PRXL2B: variants seen among roughly 807,000 people sequenced by gnomAD.
PRXL2B encodes the protein prostamide/prostaglandin F synthase.
Under a neutral mutation model 24.4 loss-of-function variants are expected in PRXL2B, and 26 were observed. The ratio of observed to expected loss-of-function variants is 1.07; its 90% CI spans 0.78 to 1.48. The LOEUF (loss-of-function observed/expected upper bound fraction) is 1.48, where lower values mean the gene tolerates loss of function less well. PRXL2B is among the 40% of genes most tolerant of loss of function. The pLI is 0.00. For synonymous variants in PRXL2B, 115 were observed against 118.9 expected, an observed-to-expected ratio of 0.97 and a Z score of 0.21; for missense variants, 269 against 264.8, an observed-to-expected ratio of 1.02 and a Z score of -0.11.
chr1:2,589,494 C>A lies in PRXL2B; in HGVS notation c.*67C>A. On this transcript the variant is annotated 3_prime_UTR_variant, in exon 7 of 7. Coordinates refer to ENST00000419916, the MANE Select transcript of PRXL2B (RefSeq NM_152371.5). ...TGCTGCCCTAGGTGTGCTGGAAGTC[C>A]ACTTGGAAGAACTGTTCCGGAGGCG... The A allele has an allele frequency of 6.2e-7, 1 of 1,611,492 alleles. No individual in the cohort carries two copies. Among genetic ancestry groups the A allele is most frequent in the Non-Finnish European group, 8.5e-7 (1 of 1,178,292 alleles).
At position 2,587,416 on chromosome 1, in the gene PRXL2B, G is replaced by A; in HGVS notation, c.268+121G>A. The A allele has an allele frequency of 8.5e-7, 1 of 1,178,866 alleles. No individual in the cohort carries two copies. The highest frequency in any genetic ancestry group is 1.2e-6 in the Non-Finnish European group (1 of 835,580). 73.0% of individuals were successfully genotyped at this position (1,178,866 alleles called of 1,614,324 possible). On this transcript the variant is annotated intron_variant, in intron 2 of 6. Transcript: ENST00000419916. The surrounding 1 kb of genome is among the most constrained non-coding windows in gnomAD (Gnocchi z 6.1). ...CTGGAGCGGCCTTGATATGCCCACG[G>A]GTCAGCGTCCCTCATCTCTCCCTGC...
chr1:2,590,594 C>T lies in PRXL2B; in HGVS notation c.*1167C>T, dbSNP rs1341062495. On this transcript the variant is annotated 3_prime_UTR_variant, in exon 7 of 7. Transcript: ENST00000419916. ...GCTGTTTTGCCCAAGACCACTGCTA[C>T]CTGTTTACCCACCCTGGTCCCTCCC... is the stretch of plus-strand genomic sequence containing the variant. 2 of 176,186 alleles carry T rather than the reference C, an allele frequency of 1.1e-5. No homozygotes were observed. The highest frequency in any genetic ancestry group is 2.4e-5 in the Non-Finnish European group (2 of 84,274). 10.9% of individuals were successfully genotyped at this position (176,186 alleles called of 1,614,324 possible).
At position 2,587,645 on chromosome 1, in the gene PRXL2B, A is replaced by C; in HGVS notation, c.269-96A>C. On this transcript the variant is annotated intron_variant, in intron 2 of 6. Transcript: ENST00000419916. This position sits in a 1 kb window ranked among gnomAD's most constrained non-coding sequence, Gnocchi z 6.1. The stretch of plus-strand genomic sequence containing the variant: ...CTGAGCACGGAGGGTGGGCAGAGGA[A>C]CAGAGGGTCGGAAGGAGGAGGGCGA... The C allele has an allele frequency of 7.1e-7, 1 of 1,409,072 alleles. No homozygotes were observed. Among genetic ancestry groups the C allele is most frequent in the Non-Finnish European group, 9.8e-7 (1 of 1,018,666 alleles). 87.3% of individuals were successfully genotyped at this position (1,409,072 alleles called of 1,614,324 possible). A position where few individuals can be genotyped will look rare whatever the true frequency, so the allele number is the denominator to read the frequency against.
rs881640 is a variant in PRXL2B at position 2,590,765 on chromosome 1, G to A, written c.*1338G>A. The A allele has an allele frequency of 5.0e-5, 20 of 403,988 alleles. 1 individual carries two copies. The East Asian group carries it at 6.8e-4, about 14-fold the overall frequency. The allele number at this position is 403,988 out of a possible 1,614,324, so 25.0% of individuals were successfully genotyped here. ...CTGTGACGGGGGCACTGAGCCCCGCGGGTGTCTGTGGAGGGGGCTCCGGTC... is the reference window on the plus strand; with the variant it reads ...CTGTGACGGGGGCACTGAGCCCCGCAGGTGTCTGTGGAGGGGGCTCCGGTC... On this transcript the variant is annotated 3_prime_UTR_variant, in exon 7 of 7. Transcript: ENST00000419916.
At chr1:2,588,479 GC>G in intron 4 of PRXL2B, 26 bp downstream of exon 4, 1 of 1,613,918 alleles carries the variant, frequency 6.2e-7, no homozygotes, top group South Asian at 1.1e-5. Context: ...GGGTGTACAG[GC>G]CGGGGGGTGG....
chr1:2,586,848 A>G lies in PRXL2B; in HGVS notation c.-38A>G. The G allele has an allele frequency of 7.8e-7, 1 of 1,282,766 alleles. No individual in the cohort carries two copies. Among genetic ancestry groups the G allele is most frequent in the South Asian group, 3.1e-5 (1 of 32,126 alleles). The allele number at this position is 1,282,766 out of a possible 1,614,324, so 79.5% of individuals were successfully genotyped here. ...GAGGAGCCGGGAGCGGGGAACAGGGAGTCGGGGAGCCGGGAACCAGGGCTG... is the reference window on the plus strand; with the variant it reads ...GAGGAGCCGGGAGCGGGGAACAGGGGGTCGGGGAGCCGGGAACCAGGGCTG... On this transcript the variant is annotated 5_prime_UTR_variant, in exon 1 of 7. Transcript: ENST00000419916.
chr1:2,588,246 C>A, intron 3 of PRXL2B, 144 bp from the exon 4 acceptor site: 1 of 973,834 alleles, frequency 1.0e-6, no homozygotes, highest in South Asian at 1.5e-5. Flanking sequence ...GGCTACTGAT[C>A]TGGTCGCCTG....
At chr1:2,588,837 C>T in intron 5 of PRXL2B, 85 bp from the exon 6 acceptor site, 1 of 1,392,350 alleles carries the variant, frequency 7.2e-7, no homozygotes. Context: ...CTGGCCAGGG[C>T]TGCCCTACCC....
rs1246699073 is a variant in PRXL2B, at chr1:2,588,537, C to T, written c.385-13C>T. ...CTTCTAGGATTGACTCAGGCTGTAC[C>T]CACTCCTGACAGGCCAAGGCTGTTG... is the stretch of plus-strand genomic sequence containing the variant. On this transcript the variant is annotated splice_polypyrimidine_tract_variant and intron_variant, in intron 4 of 6. Coordinates refer to ENST00000419916, the MANE Select transcript of PRXL2B (RefSeq NM_152371.5). 2 of 1,614,062 alleles carry T rather than the reference C, an allele frequency of 1.2e-6. No individual in the cohort carries two copies. Among genetic ancestry groups the T allele is most frequent in the Admixed American group, 1.7e-5 (1 of 60,026 alleles).
At position 2,586,805 on chromosome 1, in the gene PRXL2B, G is replaced by C; in HGVS notation, c.-81G>C. 1 of 1,264,050 alleles carries C rather than the reference G, an allele frequency of 7.9e-7. No individual in the cohort carries two copies. Among genetic ancestry groups the C allele is most frequent in the Non-Finnish European group, 9.9e-7 (1 of 1,006,606 alleles). The allele number at this position is 1,264,050 out of a possible 1,614,324, so 78.3% of individuals were successfully genotyped here. Reference sequence around the variant, plus strand: ...GCTTGGGGCTGGATCTATGAGCCGGGAGCGGGGATCCAGGAGCGAGGAGCC... The same window carrying C: ...GCTTGGGGCTGGATCTATGAGCCGGCAGCGGGGATCCAGGAGCGAGGAGCC... On this transcript the variant is annotated 5_prime_UTR_variant, in exon 1 of 7. Coordinates refer to ENST00000419916, the MANE Select transcript of PRXL2B (RefSeq NM_152371.5).
Position 2,587,807 on chromosome 1 carries a change from G to C in PRXL2B, c.320+15G>C. The C allele has an allele frequency of 1.3e-6, 1 of 782,774 alleles. No individual in the cohort carries two copies. The highest frequency in any genetic ancestry group is 2.0e-6 in the Non-Finnish European group (1 of 492,346). 48.5% of individuals were successfully genotyped at this position (782,774 alleles called of 1,614,324 possible). A position where few individuals can be genotyped will look rare whatever the true frequency, so the allele number is the denominator to read the frequency against. Reference sequence around the variant, plus strand: ...GGCTTCAAGCGGTGAGTGGGGGCGGGAACCCTTGGGTAGCGTGGGGTGGGG... The same window carrying C: ...GGCTTCAAGCGGTGAGTGGGGGCGGCAACCCTTGGGTAGCGTGGGGTGGGG... On this transcript the variant is annotated intron_variant, in intron 3 of 6. Coordinates refer to ENST00000419916, the MANE Select transcript of PRXL2B (RefSeq NM_152371.5). The surrounding 1 kb of genome is among the most constrained non-coding windows in gnomAD (Gnocchi z 6.1).
In PRXL2B at chr1:2,587,373, C is replaced by T. The variant is rs1644550242; in HGVS notation, c.268+78C>T. On this transcript the variant is annotated intron_variant, in intron 2 of 6. Coordinates refer to ENST00000419916, the MANE Select transcript of PRXL2B (RefSeq NM_152371.5). The surrounding 1 kb of genome is among the most constrained non-coding windows in gnomAD (Gnocchi z 6.1). Reference sequence around the variant, plus strand: ...GCGTTCGGGGCCCTTTCCTGCCCAACCCCGGCCCTTCTGTCTGCTGGAGCG... The same window carrying T: ...GCGTTCGGGGCCCTTTCCTGCCCAATCCCGGCCCTTCTGTCTGCTGGAGCG... 3 of 1,474,684 alleles carry T rather than the reference C, an allele frequency of 2.0e-6. No individual in the cohort carries two copies. The highest frequency in any genetic ancestry group is 2.1e-5 in the Admixed American group (1 of 47,226). 91.3% of individuals were successfully genotyped at this position (1,474,684 alleles called of 1,614,324 possible).
rs565565761 is a variant in PRXL2B, at chr1:2,588,972, G to T, written c.511G>T (p.Val171Phe). 5 of 1,613,330 alleles carry T rather than the reference G, an allele frequency of 3.1e-6. No individual in the cohort carries two copies. The highest frequency in any genetic ancestry group is 4.2e-6 in the Non-Finnish European group (5 of 1,179,986). The stretch of plus-strand genomic sequence containing the variant: ...CGTCCAGAAGTCCCCAGGCGACTAC[G>T]TCCCCAAGGAGCACATCCTGCAGGT... ...HFVQKSPGDYVPKEHILQVLG... is the reference protein window; with the variant it reads ...HFVQKSPGDYFPKEHILQVLG... Residue 171 changes from valine to phenylalanine, a missense_variant, in exon 6 of 7, where the codon GTC (valine) becomes TTC (phenylalanine). By Grantham distance (50) the Val-to-Phe change is conservative. Coordinates refer to ENST00000419916, the MANE Select transcript of PRXL2B (RefSeq NM_152371.5).
rs754038181 is a variant in PRXL2B at position 2,589,419 on chromosome 1, G to T, written c.589G>T (p.Glu197Ter). Reference protein sequence around the residue: ...CASDPPQCDREV With the variant: ...CASDPPQCDR ...CCTGCTGTCCCCACAGTGTGACAGA[G>T]AGGTGTGAGGGAGGCGAAGGCCCTG... Residue 197 changes from glutamate (E) to a stop codon, truncating the protein, a stop_gained, in exon 7 of 7, where the codon GAG becomes TAG. Coordinates refer to ENST00000419916, the MANE Select transcript of PRXL2B (RefSeq NM_152371.5). LOFTEE classifies it high-confidence loss of function. 2 of 1,613,756 alleles carry T rather than the reference G, an allele frequency of 1.2e-6. No homozygotes were observed. Among genetic ancestry groups the T allele is most frequent in the South Asian group, 2.2e-5 (2 of 91,080 alleles).
chr1:2,587,403 T>C lies in PRXL2B; in HGVS notation c.268+108T>C. 3 of 1,280,942 alleles carry C rather than the reference T, an allele frequency of 2.3e-6. No individual in the cohort carries two copies. The highest frequency in any genetic ancestry group is 3.2e-6 in the Non-Finnish European group (3 of 926,562). The allele number at this position is 1,280,942 out of a possible 1,614,324, so 79.3% of individuals were successfully genotyped here. On this transcript the variant is annotated intron_variant, in intron 2 of 6. Transcript: ENST00000419916. This position sits in a 1 kb window ranked among gnomAD's most constrained non-coding sequence, Gnocchi z 6.1. ...GCCCTTCTGTCTGCTGGAGCGGCCT[T>C]GATATGCCCACGGGTCAGCGTCCCT...
chr1:2,590,573 T>G lies in PRXL2B; in HGVS notation c.*1146T>G. ...ACTCTCTCCCACCCCCGGGCAGCTG[T>G]TTTGCCCAAGACCACTGCTACCTGT... On this transcript the variant is annotated 3_prime_UTR_variant, in exon 7 of 7. Transcript: ENST00000419916. 6.1e-6 allele frequency: 1 copy of G among 162,848 alleles called. No homozygotes were observed. Among genetic ancestry groups the G allele is most frequent in the East Asian group, 1.7e-4 (1 of 5,940 alleles). The allele number at this position is 162,848 out of a possible 1,614,324, so 10.1% of individuals were successfully genotyped here.
In PRXL2B at chr1:2,588,598, A is replaced by C. The variant is rs779613731; in HGVS notation, c.433A>C (p.Ser145Arg). 1.2e-5 allele frequency: 20 copies of C among 1,613,872 alleles called. No individual in the cohort carries two copies. The highest frequency in any genetic ancestry group is 1.6e-5 in the Non-Finnish European group (19 of 1,179,978). Residue 145 changes from serine (S) to arginine (R), a missense_variant, in exon 5 of 7, where the codon AGC becomes CGC. Transcript: ENST00000419916. ...GAACTTGTCTGGGGACCTGCTGCAG[A>C]GCGGAGGGCTGCTGGTGGTCAGCAA... ...QGNLSGDLLQSGGLLVVSKGG... is the reference protein window; with the variant it reads ...QGNLSGDLLQRGGLLVVSKGG...
Position 2,589,916 on chromosome 1 carries a change from C to A in PRXL2B, c.*489C>A, listed in dbSNP as rs1054221630. 1.2e-5 allele frequency: 2 copies of A among 167,636 alleles called. No individual in the cohort carries two copies. The highest frequency in any genetic ancestry group is 2.6e-5 in the Non-Finnish European group (2 of 78,326). The allele number at this position is 167,636 out of a possible 1,614,324, so 10.4% of individuals were successfully genotyped here. A position where few individuals can be genotyped will look rare whatever the true frequency, so the allele number is the denominator to read the frequency against. ...TTTCAGGGCAGAGATGGGCTTGATT[C>A]CACCTGGTGGGGTGGGTGGACCCTG... On this transcript the variant is annotated 3_prime_UTR_variant, in exon 7 of 7. Coordinates refer to ENST00000419916, the MANE Select transcript of PRXL2B (RefSeq NM_152371.5).
At chr1:2,588,818 G>A in intron 5 of PRXL2B, 104 bp from the exon 6 acceptor site, 2 of 1,275,530 alleles carry the variant, frequency 1.6e-6, no homozygotes, top group Non-Finnish European at 2.3e-6. Context: ...AGCCGGGTGG[G>A]GGATATGGCT....
Sources: allele counts gnomAD v4.1 joint callset, GRCh38; gene constraint gnomAD v4.1.1; non-coding constraint Gnocchi (gnomAD v3.1); transcripts MANE v1.5; gene names NCBI Gene and HGNC (gene_info 2026-07-23, HGNC 2026-07-21).